The following NYAP2 variants were observed in gnomAD, a reference collection of about 807,000 sequenced individuals.
NYAP2 encodes neuronal tyrosine-phosphorylated phosphoinositide-3-kinase adapter 2.
In NYAP2, 23 loss-of-function variants were observed where a neutral mutation model predicts 50.4. The ratio of observed to expected loss-of-function variants is 0.46; its 90% CI spans 0.33 to 0.65. NYAP2 has a LOEUF of 0.65. NYAP2 is among the 30% of genes least tolerant of loss of function. The probability of loss-of-function intolerance (pLI) is 0.02; values close to 1 mark genes in which losing one functional copy is unlikely to be tolerated. For synonymous variants in NYAP2, 394 were observed against 365.2 expected, an observed-to-expected ratio of 1.08 and a Z score of -0.90; for missense variants, 885 against 861.0, an observed-to-expected ratio of 1.03 and a Z score of -0.35.
chr2:225,554,487 AT>A (rs377528014), intron 4 of NYAP2, among the ~76,000 whole-genome samples: 1,675 of 150,910 alleles, frequency 0.011, 11 homozygotes, highest in Middle Eastern at 0.017. Flanking sequence ...CACATGGCTA[AT>A]TTTTTTTTGT....
chr2:225,442,661 T>C (rs755698607), intron 3 of NYAP2, among the ~76,000 whole-genome samples: 5 of 152,132 alleles, frequency 3.3e-5, no homozygotes, highest in Non-Finnish European at 7.4e-5. Flanking sequence ...CTGCATCCTC[T>C]GCCTCCCAGG....
intron 5 of NYAP2, among the ~76,000 whole-genome samples, chr2:225,591,427 C>T (rs1162610458): frequency 6.6e-6 from 1 of 152,126 alleles, no homozygotes; most frequent in East Asian, 1.9e-4. Context: ...GCAAGACCAA[C>T]TAAGCCTAGA....
intron 2 of NYAP2, among the ~76,000 whole-genome samples, chr2:225,403,778 T>C (rs1694898990): frequency 6.6e-6 from 1 of 151,998 alleles, no homozygotes; most frequent in South Asian, 2.1e-4. Flanking sequence ...CAGATGATAC[T>C]AGTACCTATA....
At chr2:225,462,293 A>T (rs1165897727) in intron 3 of NYAP2, among the ~76,000 whole-genome samples, 1 of 152,202 alleles carries the variant, frequency 6.6e-6, no homozygotes, top group Non-Finnish European at 1.5e-5. Flanking sequence ...AATGATGAAA[A>T]TGTGGATTTA....
At chr2:225,437,506 C>T (rs1268395173) in intron 3 of NYAP2, among the ~76,000 whole-genome samples, 2 of 152,164 alleles carry the variant, frequency 1.3e-5, no homozygotes, top group South Asian at 2.1e-4. Context: ...GATCACACTG[C>T]TTGTAGATCA....
At chr2:225,526,378 G>A (rs1396971189) in intron 4 of NYAP2, among the ~76,000 whole-genome samples, 1 of 152,120 alleles carries the variant, frequency 6.6e-6, no homozygotes, top group African/African-American at 2.4e-5. Context: ...GTCATTGCTG[G>A]GCTGTATTCT....
intron 3 of NYAP2, 49 bp downstream of exon 3, chr2:225,409,150 A>C: frequency 3.7e-6 from 5 of 1,340,890 alleles, no homozygotes; most frequent in Non-Finnish European, 5.1e-6. Flanking sequence ...GAGAAAGTCC[A>C]TGAGGGCTGC....
chr2:225,524,894 A>G (rs1319531691), intron 4 of NYAP2, among the ~76,000 whole-genome samples: 1 of 152,204 alleles, frequency 6.6e-6, no homozygotes, highest in Admixed American at 6.6e-5. Flanking sequence ...TAAAGGAAAA[A>G]ATGAGTAACC....
chr2:225,474,760 G>A (rs1228444485), intron 3 of NYAP2, among the ~76,000 whole-genome samples: 1 of 152,202 alleles, frequency 6.6e-6, no homozygotes, highest in African/African-American at 2.4e-5. Context: ...CTGCAAACAA[G>A]GACAATTTGA....
At chr2:225,637,541 G>A (rs570370248) in intron 6 of NYAP2, among the ~76,000 whole-genome samples, 11 of 152,232 alleles carry the variant, frequency 7.2e-5, no homozygotes, top group Admixed American at 5.9e-4. Context: ...CATTTGCCAG[G>A]TTCTGCTGCC....
At chr2:225,525,962 T>A in intron 4 of NYAP2, among the ~76,000 whole-genome samples, 1 of 151,998 alleles carries the variant, frequency 6.6e-6, no homozygotes, top group East Asian at 1.9e-4. Context: ...CCTCTGAGAG[T>A]TGAGAGCAGC....
At chr2:225,551,643 A>C (rs1423435279) in intron 4 of NYAP2, among the ~76,000 whole-genome samples, 2 of 152,202 alleles carry the variant, frequency 1.3e-5, no homozygotes, top group Non-Finnish European at 2.9e-5. Context: ...AGAAGAGATC[A>C]ACCCATCAAA....
intron 3 of NYAP2, among the ~76,000 whole-genome samples, chr2:225,493,757 A>G (rs1274695476): frequency 6.6e-6 from 1 of 152,230 alleles, no homozygotes; most frequent in African/African-American, 2.4e-5. Flanking sequence ...TGACCTTTAT[A>G]GGGAAAAAGA....
rs11378712 is a variant in NYAP2 at position 225,477,231 on chromosome 2, C to CTTTTTTTTTT, written c.222-36126_222-36117dup. Among the ~76,000 whole-genome samples, 53 of 87,458 alleles carry CTTTTTTTTTT rather than the reference C, an allele frequency of 6.1e-4. 1 individual carries two copies. The highest frequency in any genetic ancestry group is 7.6e-4 in the Non-Finnish European group (38 of 50,194). The allele number at this position is 87,458 out of a possible 152,430, so 57.4% of individuals were successfully genotyped here. On this transcript the variant is annotated intron_variant, in intron 3 of 6. Coordinates refer to ENST00000636099, the Ensembl canonical transcript of NYAP2. ...TTAGCAGGTCTGAGAGTCTCTATTT[C>CTTTTTTTTTT]TTTTTTTTTTTTTTTTTTTTTTTGA...
intron 4 of NYAP2, among the ~76,000 whole-genome samples, chr2:225,532,128 G>A (rs368166835): frequency 5.9e-5 from 9 of 152,128 alleles, no homozygotes; most frequent in African/African-American, 1.2e-4. Flanking sequence ...GTATATTTCC[G>A]GTTTCACTTA....
chr2:225,507,844 C>T (rs939033713), intron 3 of NYAP2, among the ~76,000 whole-genome samples: 36 of 152,296 alleles, frequency 2.4e-4, no homozygotes, highest in African/African-American at 8.4e-4. Flanking sequence ...GGGCCAATGC[C>T]GCTATTAAAC....
chr2:225,664,825 A>C, the NYAP2 span, among the ~76,000 whole-genome samples: 4 of 152,138 alleles, frequency 2.6e-5, no homozygotes, highest in Admixed American at 6.5e-5. Flanking sequence ...GCAGTGAGCT[A>C]TCACGGCACT....
intron 6 of NYAP2, among the ~76,000 whole-genome samples, chr2:225,647,983 C>CGTAT (rs112987963): frequency 1.3e-5 from 2 of 151,850 alleles, no homozygotes; most frequent in South Asian, 4.1e-4. Context: ...TGTGTGTGTG[C>CGTAT]ATATGTATGT....
intron 5 of NYAP2, among the ~76,000 whole-genome samples, chr2:225,597,189 G>A (rs931584669): frequency 1.3e-5 from 2 of 151,850 alleles, no homozygotes; most frequent in Non-Finnish European, 2.9e-5. Flanking sequence ...AGGTGGTGTT[G>A]GTTATGTGAA....
Sources: allele counts gnomAD v4.1 joint callset (sites outside exome capture counted in the v4.1 genomes callset), GRCh38; gene constraint gnomAD v4.1.1; transcripts MANE v1.5; gene names NCBI Gene and HGNC (gene_info 2026-07-23, HGNC 2026-07-21).